The following DOCK5 variants were observed in gnomAD, a reference collection of about 807,000 sequenced individuals.
DOCK5 encodes the protein dedicator of cytokinesis protein 5.
DOCK5 carries 142 observed loss-of-function variants against 251.8 expected under a neutral mutation model. That is an observed-to-expected ratio of 0.56 (90% CI 0.49 to 0.65). DOCK5 has a LOEUF of 0.65. Among genes scored for constraint, DOCK5 ranks in the 30% least tolerant of loss-of-function variants. The pLI is 0.00. For missense variants in DOCK5, 2,111 were observed against 2,312.3 expected (o/e 0.91, Z 1.79); for synonymous variants, 842 against 835.5 (o/e 1.01, Z -0.13).
Position 25,413,960 on chromosome 8 carries a change from A to G in DOCK5, c.*2662A>G, listed in dbSNP as rs1801671353. 3 of 152,196 alleles carry G rather than the reference A, an allele frequency of 2.0e-5. No individual in the cohort carries two copies. The highest frequency in any genetic ancestry group is 7.2e-5 in the African/African-American group (3 of 41,422). The allele number at this position is 152,196 out of a possible 1,614,324, so 9.4% of individuals were successfully genotyped here. Reference sequence around the variant, plus strand: ...AACACCTCATGATTCCATTAAATATAAAGAGATAAGGAGCAAGGAGGAAAA... The same window carrying G: ...AACACCTCATGATTCCATTAAATATGAAGAGATAAGGAGCAAGGAGGAAAA... On this transcript the variant is annotated 3_prime_UTR_variant, in exon 52 of 52. Coordinates refer to ENST00000276440, the MANE Select transcript of DOCK5 (RefSeq NM_024940.8).
chr8:25,252,444 A>G (rs1369888539), intron 2 of DOCK5, among the ~76,000 whole-genome samples: 3 of 152,236 alleles, frequency 2.0e-5, no homozygotes, highest in African/African-American at 7.2e-5. Context: ...TCCACGATCT[A>G]GGTATAGAAA....
chr8:25,376,123 A>C (rs889957932), intron 37 of DOCK5: 1 of 968,070 alleles, frequency 1.0e-6, no homozygotes, highest in African/African-American at 1.9e-5. Flanking sequence ...AAAAAAAAGC[A>C]ACCTACTGTA....
intron 2 of DOCK5, among the ~76,000 whole-genome samples, chr8:25,244,598 C>T (rs959371680): frequency 6.6e-5 from 10 of 152,260 alleles, no homozygotes; most frequent in Non-Finnish European, 1.2e-4. Flanking sequence ...CGGGTCTAGC[C>T]CCCATGTAAA....
intron 45 of DOCK5, among the ~76,000 whole-genome samples, chr8:25,396,763 C>CGTGTGTGTGTGTGTGT (rs5890230): frequency 2.3e-3 from 345 of 147,200 alleles, no homozygotes; most frequent in African/African-American, 6.7e-3. Flanking sequence ...CTCTTGTGTC[C>CGTGTGTGTGTGTGTGT]GTGTGTGTGT....
At chr8:25,258,739 T>C (rs1344071393) in intron 2 of DOCK5, among the ~76,000 whole-genome samples, 1 of 152,194 alleles carries the variant, frequency 6.6e-6, no homozygotes, top group Admixed American at 6.5e-5. Flanking sequence ...CACCTGTCTT[T>C]CTCATTGCTA....
At chr8:25,237,306 G>C (rs1165426806) in intron 1 of DOCK5, among the ~76,000 whole-genome samples, 1 of 152,024 alleles carries the variant, frequency 6.6e-6, no homozygotes, top group African/African-American at 2.4e-5. Flanking sequence ...GGAGGTCAAG[G>C]CTACAGTGAC....
chr8:25,306,564 G>T (rs530853313), intron 11 of DOCK5, among the ~76,000 whole-genome samples: 7 of 151,704 alleles, frequency 4.6e-5, no homozygotes, highest in Admixed American at 3.9e-4. Context: ...CACAGTGGCG[G>T]GCGCCTGTAG....
intron 50 of DOCK5, 132 bp downstream of exon 50, chr8:25,409,072 T>A: frequency 7.5e-7 from 1 of 1,341,140 alleles, no homozygotes. Flanking sequence ...TTCGTGTTCG[T>A]GTATTATACA....
At position 25,410,166 on chromosome 8, in the gene DOCK5, C is replaced by T. The variant is rs1251889632; in HGVS notation, c.5472C>T (p.Ser1824=). The change falls in exon 51 of 52, where the codon AGC becomes AGT. Residue 1824 remains serine (S), a synonymous_variant. Transcript: ENST00000276440. ...TCCCACCTCCACCTCCCCCCAAAAGCAAGCCCTATGAAGGCAGCCAGAGGA... is the reference window on the plus strand; with the variant it reads ...TCCCACCTCCACCTCCCCCCAAAAGTAAGCCCTATGAAGGCAGCCAGAGGA... ...TPVPPPPPPK[S]KPYEGSQRNS... 1 of 1,613,720 alleles carries T rather than the reference C, an allele frequency of 6.2e-7. No homozygotes were observed.
In DOCK5 at chr8:25,318,745, C is replaced by T. The variant is rs555485762; in HGVS notation, c.1444-833C>T. Among the ~76,000 whole-genome samples the T allele has an allele frequency of 1.6e-4, 24 of 152,138 alleles. No homozygotes were observed. In the South Asian group the frequency reaches 4.6e-3, roughly 29 times the overall value. On this transcript the variant is annotated intron_variant, in intron 14 of 51. Transcript: ENST00000276440. ...GCTGCATGGCCTCTGCTGAACTCCA[C>T]CTCTTCTCGTATGAGCCGTAGTTAA...
chr8:25,380,776 A>G lies in DOCK5; in HGVS notation c.4026+382A>G, dbSNP rs115034323. 7.7e-3 allele frequency among the ~76,000 whole-genome samples: 1,173 copies of G among 152,296 alleles called. 24 individuals are homozygous for G. The highest frequency in any genetic ancestry group is 0.027 in the African/African-American group (1,129 of 41,556). ...TATTCCCAGCCATCAGTAAAGCAAA[A>G]CAAAAATGAGTGCCCAGTGTTAGGC... On this transcript the variant is annotated intron_variant, in intron 39 of 51. Transcript: ENST00000276440.
intron 11 of DOCK5, among the ~76,000 whole-genome samples, chr8:25,306,748 A>G (rs1383013393): frequency 2.0e-5 from 3 of 152,188 alleles, no homozygotes; most frequent in Non-Finnish European, 4.4e-5. Context: ...TGAATGTAAT[A>G]CAATGTTAAT....
intron 45 of DOCK5, among the ~76,000 whole-genome samples, chr8:25,397,929 T>A (rs1801375259): frequency 6.6e-6 from 1 of 152,190 alleles, no homozygotes; most frequent in African/African-American, 2.4e-5. Context: ...TTTCTAAACG[T>A]AAGAAAAAGG....
chr8:25,187,620 T>G (rs968261223), intron 1 of DOCK5, among the ~76,000 whole-genome samples: 1 of 152,026 alleles, frequency 6.6e-6, no homozygotes, highest in Non-Finnish European at 1.5e-5. Context: ...CCTCCCTGCT[T>G]GGAAGTCTCT....
intron 39 of DOCK5, among the ~76,000 whole-genome samples, chr8:25,382,081 A>G (rs1350257197): frequency 6.6e-6 from 1 of 152,114 alleles, no homozygotes; most frequent in Non-Finnish European, 1.5e-5. Context: ...TGGTGCAGTC[A>G]TAGCCCACTG....
intron 2 of DOCK5, among the ~76,000 whole-genome samples, chr8:25,259,354 C>T (rs1380535338): frequency 1.3e-5 from 2 of 152,116 alleles, no homozygotes; most frequent in African/African-American, 4.8e-5. Flanking sequence ...AGGTAGGAGG[C>T]CTGTGTTTGT....
intron 28 of DOCK5, 58 bp downstream of exon 28, chr8:25,359,119 A>G (rs1800631008): frequency 1.3e-6 from 2 of 1,484,046 alleles, no homozygotes; most frequent in Non-Finnish European, 1.9e-6. Context: ...GGTTTAAAAA[A>G]ATGACTGAAG....
chr8:25,256,895 T>TG (rs1250117903), intron 2 of DOCK5, among the ~76,000 whole-genome samples: 2 of 152,050 alleles, frequency 1.3e-5, no homozygotes, highest in African/African-American at 4.8e-5. Context: ...CTTGACTTTT[T>TG]TTTTTTTGGT....
intron 1 of DOCK5, among the ~76,000 whole-genome samples, chr8:25,227,477 T>C (rs563724224): frequency 6.6e-6 from 1 of 152,320 alleles, no homozygotes; most frequent in African/African-American, 2.4e-5. Flanking sequence ...TTTTCTTATT[T>C]GATTCCATTG....
Sources: allele counts gnomAD v4.1 joint callset (sites outside exome capture counted in the v4.1 genomes callset), GRCh38; gene constraint gnomAD v4.1.1; transcripts MANE v1.5; gene names NCBI Gene and HGNC (gene_info 2026-07-23, HGNC 2026-07-21).